CFI: variants seen among roughly 807,000 people sequenced by gnomAD.
The protein encoded by CFI is complement factor I, also known as C3B/C4B inactivator.
Under a neutral mutation model 78.8 loss-of-function variants are expected in CFI, and 66 were observed. The ratio of observed to expected loss-of-function variants is 0.84; its 90% CI spans 0.69 to 1.03. CFI has a LOEUF of 1.03. Ranked by LOEUF, CFI falls within the 50% of genes least tolerant of loss-of-function variation. The probability of loss-of-function intolerance (pLI) is 0.00; values close to 1 mark genes in which losing one functional copy is unlikely to be tolerated. For synonymous variants in CFI, 250 were observed against 232.6 expected (o/e 1.07, Z -0.68); for missense variants, 706 against 704.5 (o/e 1.00, Z -0.02).
intron 3 of CFI, among the ~76,000 whole-genome samples, chr4:109,762,854 G>A (rs1003888868): frequency 6.6e-6 from 1 of 152,146 alleles, no homozygotes; most frequent in Non-Finnish European, 1.5e-5. Flanking sequence ...ATCTGCACTG[G>A]TTAAAATTAG....
At chr4:109,762,268 G>A (rs1207346947) in intron 3 of CFI, 4 of 152,358 alleles carry the variant, frequency 2.6e-5, no homozygotes, top group African/African-American at 7.3e-5. Context: ...ACTTTAGCTG[G>A]TTGGTTCAAT....
Position 109,752,927 on chromosome 4 carries a change from T to C in CFI, c.905-424A>G, listed in dbSNP as rs192301139. 6.1e-3 allele frequency among the ~76,000 whole-genome samples: 653 copies of C among 106,486 alleles called. 67 individuals are homozygous for C. The East Asian group carries it at 0.09, about 15-fold the overall frequency. The allele number at this position is 106,486 out of a possible 152,430, so 69.9% of individuals were successfully genotyped here. A position where few individuals can be genotyped will look rare whatever the true frequency, so the allele number is the denominator to read the frequency against. On this transcript the variant is annotated intron_variant, in intron 7 of 12. Transcript: ENST00000394634. ...ATAAATAAATATTTATAATATATAT[T>C]TATTATATAAATAAATATTTATAAT...
chr4:109,776,039 G>C (rs1729192500), intron 1 of CFI, among the ~76,000 whole-genome samples: 1 of 152,156 alleles, frequency 6.6e-6, no homozygotes, highest in Admixed American at 6.5e-5. Flanking sequence ...GGAGAAACCA[G>C]AGAAGAAAAG....
At chr4:109,757,656 A>C in intron 7 of CFI, 107 bp downstream of exon 7, 1 of 709,948 alleles carries the variant, frequency 1.4e-6, no homozygotes, top group Non-Finnish European at 2.3e-6. Context: ...TATTACTAAA[A>C]TGTGGTCATA....
downstream of CFI, among the ~76,000 whole-genome samples, chr4:109,737,798 TC>T (rs1441358326): frequency 6.6e-6 from 1 of 152,214 alleles, no homozygotes; most frequent in Non-Finnish European, 1.5e-5. Context: ...TTTGAATAAA[TC>T]TATTTTTTCA....
At chr4:109,780,760 A>G (rs932555528) in intron 1 of CFI, among the ~76,000 whole-genome samples, 1 of 152,214 alleles carries the variant, frequency 6.6e-6, no homozygotes, top group African/African-American at 2.4e-5. Flanking sequence ...CTGTCCATCA[A>G]TGATAGACTG....
intron 1 of CFI, among the ~76,000 whole-genome samples, chr4:109,776,401 G>A (rs1174121354): frequency 6.6e-6 from 1 of 152,176 alleles, no homozygotes; most frequent in Non-Finnish European, 1.5e-5. Context: ...ATGAAATGAA[G>A]CGAGAAGAGA....
At chr4:109,732,962 C>G in the CFI span, among the ~76,000 whole-genome samples, 1 of 150,982 alleles carries the variant, frequency 6.6e-6, no homozygotes, top group Non-Finnish European at 1.5e-5. Flanking sequence ...GATGCATGCT[C>G]TGATTTACCA....
At position 109,746,503 on chromosome 4, in the gene CFI, C is replaced by G; in HGVS notation, c.1149-1G>C. The G allele has an allele frequency of 6.3e-7, 1 of 1,590,072 alleles. No homozygotes were observed. ...TTGGTAACGATGAGTTTTACTGGCTCTATAACAGAAAAAAAAAGGAAATAA... is the reference window on the plus strand; with the variant it reads ...TTGGTAACGATGAGTTTTACTGGCTGTATAACAGAAAAAAAAAGGAAATAA... On this transcript the variant is annotated splice_acceptor_variant, in intron 10 of 12. Transcript: ENST00000394634. LOFTEE classifies it high-confidence loss of function.
intron 10 of CFI, among the ~76,000 whole-genome samples, chr4:109,748,120 G>A (rs1206216194): frequency 6.6e-6 from 1 of 152,124 alleles, no homozygotes; most frequent in Non-Finnish European, 1.5e-5. Flanking sequence ...GGTGATTCAG[G>A]TAACCACCTT....
chr4:109,732,938 G>A, the CFI span, among the ~76,000 whole-genome samples: 1 of 151,394 alleles, frequency 6.6e-6, no homozygotes, highest in African/African-American at 2.4e-5. Flanking sequence ...GTGGGGCCTT[G>A]TGCCACTACA....
chr4:109,766,891 T>A, intron 1 of CFI, 67 bp from the exon 2 acceptor site: 1 of 1,552,026 alleles, frequency 6.4e-7, no homozygotes, highest in Non-Finnish European at 8.8e-7. Context: ...GATGAGTAAG[T>A]GAAGGAAAAG....
chr4:109,736,548 G>T (rs115982494), downstream of CFI, among the ~76,000 whole-genome samples: 698 of 152,292 alleles, frequency 4.6e-3, 6 homozygotes, highest in African/African-American at 0.015. Context: ...GCATGGGCTT[G>T]TTCCATAATA....
rs566233955 is a variant in CFI, at chr4:109,777,993, C to T, written c.58-11169G>A. On this transcript the variant is annotated intron_variant, in intron 1 of 12. Coordinates refer to ENST00000394634, the MANE Select transcript of CFI (RefSeq NM_000204.5). Reference sequence around the variant, plus strand: ...GACACATTTAAAGCAGTGTGTAGAGCGAAATTTATAGCACTAAATGCCCAC... The same window carrying T: ...GACACATTTAAAGCAGTGTGTAGAGTGAAATTTATAGCACTAAATGCCCAC... Among the ~76,000 whole-genome samples the T allele has an allele frequency of 1.1e-3, 161 of 150,030 alleles. 1 individual carries two copies. The highest frequency in any genetic ancestry group is 3.9e-3 in the African/African-American group (158 of 40,640).
At chr4:109,732,772 G>GCGTGAACC in the CFI span, among the ~76,000 whole-genome samples, 1 of 151,514 alleles carries the variant, frequency 6.6e-6, no homozygotes, top group Admixed American at 6.6e-5. Context: ...CAGGTGAATG[G>GCGTGAACC]CGTGAACCCG....
intron 12 of CFI, chr4:109,741,781 A>C (rs1215340008): frequency 5.8e-5 from 9 of 155,460 alleles, no homozygotes; most frequent in African/African-American, 2.2e-4. Flanking sequence ...AAGTTATAGG[A>C]TGTCAATAAC....
chr4:109,779,746 A>G lies in CFI; in HGVS notation c.58-12922T>C, dbSNP rs188873811. On this transcript the variant is annotated intron_variant, in intron 1 of 12. Transcript: ENST00000394634. ...TGACTTCAAACTATACTACAAGTCT[A>G]CAGTAACCAAAACAGCACAGTACTG... is the stretch of plus-strand genomic sequence containing the variant. Among the ~76,000 whole-genome samples, 972 of 152,314 alleles carry G rather than the reference A, an allele frequency of 6.4e-3. 5 individuals carry two copies. The highest frequency in any genetic ancestry group is 0.011 in the Non-Finnish European group (730 of 68,020).
intron 6 of CFI, among the ~76,000 whole-genome samples, chr4:109,759,960 G>A (rs934729237): frequency 3.3e-5 from 5 of 152,244 alleles, no homozygotes; most frequent in Admixed American, 3.3e-4. Context: ...CTGGAAGAGA[G>A]ATAAGCAAGA....
intron 1 of CFI, among the ~76,000 whole-genome samples, chr4:109,779,926 A>C (rs559924160): frequency 6.6e-6 from 1 of 152,202 alleles, no homozygotes; most frequent in African/African-American, 2.4e-5. Context: ...CTGGCTAGCC[A>C]TAAGTAGAAA....
Sources: allele counts gnomAD v4.1 joint callset (sites outside exome capture counted in the v4.1 genomes callset), GRCh38; gene constraint gnomAD v4.1.1; transcripts MANE v1.5; gene names NCBI Gene and HGNC (gene_info 2026-07-23, HGNC 2026-07-21).